The following PBX1 variants were observed in gnomAD, a reference collection of about 807,000 sequenced individuals.
PBX1 encodes pre-B-cell leukemia transcription factor 1.
In PBX1, 6 loss-of-function variants were observed where a neutral mutation model predicts 53.4. The ratio of observed to expected loss-of-function variants is 0.11; its 90% confidence interval spans 0.06 to 0.22. The LOEUF (loss-of-function observed/expected upper bound fraction) is 0.22. PBX1 is among the 10% of genes least tolerant of loss of function. The pLI is 1.00. For missense variants in PBX1, 251 were observed against 551.4 expected, an observed-to-expected ratio of 0.46 and a Z score of 5.46; for synonymous variants, 204 against 212.3, an observed-to-expected ratio of 0.96 and a Z score of 0.34.
At chr1:164,793,872 C>CTTTTTTTTTTTTTTTTTTT (rs72414989) in intron 3 of PBX1, among the ~76,000 whole-genome samples, 5 of 78,218 alleles carry the variant, frequency 6.4e-5, no homozygotes, top group Non-Finnish European at 7.5e-5. Flanking sequence ...TTTTTCCTTT[C>CTTTTTTTTTTTTTTTTTTT]TTTTTTTTTT....
rs559795190 is a variant in PBX1, at chr1:164,808,307, C to T, written c.837+630C>T. 7.9e-5 allele frequency among the ~76,000 whole-genome samples: 12 copies of T among 152,152 alleles called. No homozygotes were observed. In the East Asian group the frequency reaches 2.1e-3, roughly 27 times the overall value. On this transcript the variant is annotated intron_variant, in intron 5 of 8. Transcript: ENST00000420696. ...ATACATGACATAAAATTTTTATAGG[C>T]CTAGAGTTTTCAACACGAATATGAA... is the stretch of plus-strand genomic sequence containing the variant.
intron 2 of PBX1, among the ~76,000 whole-genome samples, chr1:164,678,331 CTG>C (rs1379204352): frequency 2.0e-5 from 3 of 152,186 alleles, no homozygotes; most frequent in Non-Finnish European, 2.9e-5. Context: ...ACAAGGCTCT[CTG>C]TGTATCACAG....
chr1:164,686,968 C>A (rs777482435), intron 2 of PBX1, among the ~76,000 whole-genome samples: 10 of 146,222 alleles, frequency 6.8e-5, no homozygotes, highest in South Asian at 2.2e-4. Flanking sequence ...AAAAAAAAAC[C>A]AAAAAAACGA....
At chr1:164,838,025 C>T (rs1045124853) in intron 8 of PBX1, among the ~76,000 whole-genome samples, 1 of 151,996 alleles carries the variant, frequency 6.6e-6, no homozygotes, top group Non-Finnish European at 1.5e-5. Context: ...ATCTTGATCT[C>T]AGAGTTGATG....
chr1:164,678,749 G>A (rs1661581406), intron 2 of PBX1, among the ~76,000 whole-genome samples: 1 of 152,126 alleles, frequency 6.6e-6, no homozygotes, highest in African/African-American at 2.4e-5. Context: ...TCAACACAGT[G>A]CTAAGGAAAC....
At chr1:164,867,495 G>C (rs1310601370) in intron 2 of PBX1, among the ~76,000 whole-genome samples, 1 of 152,344 alleles carries the variant, frequency 6.6e-6, no homozygotes. Context: ...TCATGCACAG[G>C]TGCCCAAGGC....
At chr1:164,863,841 G>A (rs1385273694) in intron 2 of PBX1, among the ~76,000 whole-genome samples, 1 of 152,146 alleles carries the variant, frequency 6.6e-6, no homozygotes, top group African/African-American at 2.4e-5. Flanking sequence ...AGGACCACAT[G>A]AGGTGGCATG....
At chr1:164,585,595 A>T (rs1187317043) in intron 2 of PBX1, among the ~76,000 whole-genome samples, 1 of 152,088 alleles carries the variant, frequency 6.6e-6, no homozygotes, top group African/African-American at 2.4e-5. Flanking sequence ...TGTCCTGAAC[A>T]TTTCTTTTGG....
intron 3 of PBX1, among the ~76,000 whole-genome samples, chr1:164,795,637 A>G (rs189843714): frequency 6.6e-6 from 1 of 152,306 alleles, no homozygotes; most frequent in East Asian, 1.9e-4. Flanking sequence ...ATGCTTAATA[A>G]TTTATTAATA....
intron 2 of PBX1, among the ~76,000 whole-genome samples, chr1:164,689,223 G>T (rs1662311303): frequency 1.3e-5 from 2 of 152,220 alleles, no homozygotes; most frequent in African/African-American, 4.8e-5. Flanking sequence ...CATGTTGGTG[G>T]AAGAAGCCCT....
intron 2 of PBX1, among the ~76,000 whole-genome samples, chr1:164,731,831 G>T (rs530317561): frequency 5.3e-5 from 8 of 152,290 alleles, no homozygotes; most frequent in South Asian, 2.1e-4. Context: ...GCATGAGCTC[G>T]GCGGCCTGTG....
chr1:164,764,024 A>AC (rs1236720007), intron 2 of PBX1, among the ~76,000 whole-genome samples: 4 of 152,168 alleles, frequency 2.6e-5, no homozygotes, highest in African/African-American at 9.7e-5. Context: ...TGGTCAGGGA[A>AC]CCTAAATGCC....
chr1:164,668,427 T>A (rs1660932282), intron 2 of PBX1, among the ~76,000 whole-genome samples: 1 of 152,028 alleles, frequency 6.6e-6, no homozygotes, highest in Non-Finnish European at 1.5e-5. Context: ...CACGCCAACA[T>A]CTTCCTCCAC....
intron 2 of PBX1, among the ~76,000 whole-genome samples, chr1:164,661,461 CTG>C (rs56323060): frequency 0.013 from 1,829 of 141,102 alleles, 20 homozygotes; most frequent in Middle Eastern, 0.053. Flanking sequence ...GAGTCTGACT[CTG>C]TCGCCCAGGC....
At chr1:164,674,107 GT>G (rs1482731940) in intron 2 of PBX1, among the ~76,000 whole-genome samples, 1 of 152,182 alleles carries the variant, frequency 6.6e-6, no homozygotes, top group Non-Finnish European at 1.5e-5. Context: ...GTCAGTGTTT[GT>G]TTGCCTTTTA....
At chr1:164,884,414 G>T in intron 2 of PBX1, 1 of 294,278 alleles carries the variant, frequency 3.4e-6, no homozygotes. Context: ...GATCTTGCCA[G>T]AGGGTGGGCG....
chr1:164,584,706 C>A (rs78877353), intron 2 of PBX1, among the ~76,000 whole-genome samples: 1 of 152,064 alleles, frequency 6.6e-6, no homozygotes, highest in Middle Eastern at 3.4e-3. Flanking sequence ...ACCTGAGGAC[C>A]GTGTGAAGGC....
At chr1:164,709,473 G>A (rs1380902892) in intron 2 of PBX1, among the ~76,000 whole-genome samples, 3 of 152,004 alleles carry the variant, frequency 2.0e-5, no homozygotes, top group Admixed American at 6.6e-5. Flanking sequence ...TGAGTTCAGC[G>A]GGGGATTCTC....
chr1:164,672,298 T>C (rs1661165350), intron 2 of PBX1, among the ~76,000 whole-genome samples: 1 of 152,186 alleles, frequency 6.6e-6, no homozygotes, highest in Admixed American at 6.5e-5. Context: ...CAGTAATCTC[T>C]CGACCCCATG....
Sources: gnomAD v4.1 joint callset for allele counts (sites outside exome capture counted in the v4.1 genomes callset) on GRCh38, gnomAD v4.1.1 for gene constraint, MANE v1.5 for transcripts, NCBI Gene and HGNC (gene_info 2026-07-23, HGNC 2026-07-21) for gene names.